The following TCAF1 variants were observed in gnomAD, a reference collection of about 807,000 sequenced individuals.
TCAF1 encodes TRPM8 channel associated factor 1.
Under a neutral mutation model 27.3 loss-of-function variants are expected in TCAF1, and 4 were observed. The ratio of observed to expected loss-of-function variants is 0.15; its 90% CI spans 0.07 to 0.34. The LOEUF is 0.34. TCAF1 is among the 10% of genes least tolerant of loss of function. The pLI is 1.00. For missense variants in TCAF1, 257 were observed against 425.8 expected (o/e 0.60, Z 3.49); for synonymous variants, 105 against 167.1 (o/e 0.63, Z 2.87).
Position 143,876,420 on chromosome 7 carries a change from G to C in TCAF1, c.189C>G (p.Ser63=). The change falls in exon 2 of 9, where the codon TCC becomes TCG. Residue 63 remains serine, a synonymous_variant. Coordinates refer to ENST00000479870, the MANE Select transcript of TCAF1 (RefSeq NM_014719.3). ...GGGCTTCCACCAAGTAGTCCTCATG[G>C]GACACGACCACCAGGCGGCCACGGC... ...SYGRGRLVVV[S]HEDYLVEAQL... 2.5e-6 allele frequency: 4 copies of C among 1,612,616 alleles called. No homozygotes were observed. Among genetic ancestry groups the C allele is most frequent in the Non-Finnish European group, 3.4e-6 (4 of 1,179,390 alleles).
intron 1 of TCAF1, among the ~76,000 whole-genome samples, chr7:143,893,179 A>T (rs1813728771): frequency 6.6e-6 from 1 of 152,200 alleles, no homozygotes; most frequent in Non-Finnish European, 1.5e-5. Context: ...CTGTAGATAT[A>T]AAACAAATTT....
intron 1 of TCAF1, among the ~76,000 whole-genome samples, chr7:143,890,898 G>A (rs1272959793): frequency 6.6e-6 from 1 of 152,194 alleles, no homozygotes; most frequent in African/African-American, 2.4e-5. Flanking sequence ...AGTGGCCAAA[G>A]AGCTAAACAG....
intron 1 of TCAF1, among the ~76,000 whole-genome samples, chr7:143,893,254 C>T (rs539118448): frequency 1.1e-3 from 168 of 152,166 alleles, no homozygotes; most frequent in African/African-American, 3.9e-3. Context: ...TCCTTAATAA[C>T]TTCAAAATTT....
Position 143,852,184 on chromosome 7 carries a change from T to C in TCAF1, c.*1949A>G, listed in dbSNP as rs1335678711. The C allele has an allele frequency of 6.6e-6, 1 of 151,596 alleles. No individual in the cohort carries two copies. The highest frequency in any genetic ancestry group is 1.5e-5 in the Non-Finnish European group (1 of 67,960). The allele number at this position is 151,596 out of a possible 1,614,324, so 9.4% of individuals were successfully genotyped here. On this transcript the variant is annotated 3_prime_UTR_variant, in exon 9 of 9. Coordinates refer to ENST00000479870, the MANE Select transcript of TCAF1 (RefSeq NM_014719.3). Reference sequence around the variant, plus strand: ...ATTTTGCTCTATAATTGGACCTGAATTTTTTGACATATTGTTGATTTGTCT... The same window carrying C: ...ATTTTGCTCTATAATTGGACCTGAACTTTTTGACATATTGTTGATTTGTCT...
At position 143,876,339 on chromosome 7, in the gene TCAF1, A is replaced by G. The variant is rs1812707443; in HGVS notation, c.270T>C (p.Ala90=). The change falls in exon 2 of 9, where the codon GCT becomes GCC. Residue 90 remains alanine, a synonymous_variant. Coordinates refer to ENST00000479870, the MANE Select transcript of TCAF1 (RefSeq NM_014719.3). ...CCAGGGATGGGTGTACACCAATGGG[A>G]GCCCCAGGGGAAGAGCAAAGCCACC... ...AVGWLCSSPG[A]PIGVHPSLAP... The G allele has an allele frequency of 6.2e-7, 1 of 1,614,186 alleles. No homozygotes were observed. The highest frequency in any genetic ancestry group is 8.5e-7 in the Non-Finnish European group (1 of 1,180,034).
intron 1 of TCAF1, among the ~76,000 whole-genome samples, chr7:143,883,481 A>C (rs1013407460): frequency 3.1e-5 from 4 of 127,974 alleles, no homozygotes; most frequent in African/African-American, 1.2e-4. Flanking sequence ...TTCAAATCGC[A>C]TTTCTTTCTT....
rs1383467312 is a variant in TCAF1 at position 143,882,859 on chromosome 7, G to A, written c.-14-6237C>T. Reference sequence around the variant, plus strand: ...GGCGACCGAGCCGGGATTTGGGAGCGGGGAGGAGGCTGGAGCTGGAGGAGA... The same window carrying A: ...GGCGACCGAGCCGGGATTTGGGAGCAGGGAGGAGGCTGGAGCTGGAGGAGA... On this transcript the variant is annotated intron_variant, in intron 1 of 8. Coordinates refer to ENST00000479870, the MANE Select transcript of TCAF1 (RefSeq NM_014719.3). 1.0e-5 allele frequency: 10 copies of A among 985,516 alleles called. No homozygotes were observed. In the East Asian group the frequency reaches 5.7e-4, roughly 56 times the overall value. 61.0% of individuals were successfully genotyped at this position (985,516 alleles called of 1,614,324 possible).
At chr7:143,882,852 T>G in intron 1 of TCAF1, 1 of 985,568 alleles carries the variant, frequency 1.0e-6, no homozygotes, top group Non-Finnish European at 1.2e-6. Flanking sequence ...AGCCGGGATT[T>G]GGGAGCGGGG....
chr7:143,901,081 G>T (rs1355224997), intron 1 of TCAF1, among the ~76,000 whole-genome samples: 1 of 152,170 alleles, frequency 6.6e-6, no homozygotes, highest in Non-Finnish European at 1.5e-5. Context: ...GGCTTCTAAG[G>T]TACTGTGACG....
intron 1 of TCAF1, among the ~76,000 whole-genome samples, chr7:143,897,148 A>C (rs1465957018): frequency 1.1e-5 from 1 of 87,562 alleles, no homozygotes; most frequent in Non-Finnish European, 2.3e-5. Context: ...ATATATATAT[A>C]TATATATATA....
At chr7:143,857,838 TGGCTTTTGGG>T (rs1811616632) in intron 7 of TCAF1, among the ~76,000 whole-genome samples, 1 of 129,300 alleles carries the variant, frequency 7.7e-6, no homozygotes. Context: ...GGTATTAAAA[TGGCTTTTGGG>T]GAAAAAAAGT....
intron 1 of TCAF1, among the ~76,000 whole-genome samples, chr7:143,881,146 G>GC (rs1177940515): frequency 1.3e-5 from 2 of 152,198 alleles, no homozygotes; most frequent in African/African-American, 4.8e-5. Context: ...TGGATGGAGG[G>GC]CCATGCTGGA....
chr7:143,893,129 G>A (rs1813723482), intron 1 of TCAF1, among the ~76,000 whole-genome samples: 1 of 152,156 alleles, frequency 6.6e-6, no homozygotes, highest in East Asian at 1.9e-4. Flanking sequence ...TATGGCTTAT[G>A]TACAATGGGC....
At chr7:143,881,540 T>A (rs1813024868) in intron 1 of TCAF1, among the ~76,000 whole-genome samples, 1 of 152,196 alleles carries the variant, frequency 6.6e-6, no homozygotes, top group South Asian at 2.1e-4. Flanking sequence ...TTAAGATTGT[T>A]TAATTCATAC....
chr7:143,898,229 T>G (rs73725421), intron 1 of TCAF1, among the ~76,000 whole-genome samples: 1 of 152,128 alleles, frequency 6.6e-6, no homozygotes, highest in African/African-American at 2.4e-5. Flanking sequence ...AAAGTAACTA[T>G]AGCAAATGTC....
At chr7:143,893,692 T>C (rs927628871) in intron 1 of TCAF1, among the ~76,000 whole-genome samples, 3 of 151,820 alleles carry the variant, frequency 2.0e-5, no homozygotes, top group Admixed American at 1.3e-4. Flanking sequence ...CAATGGAAAT[T>C]AGAAAATATC....
chr7:143,896,808 T>A (rs1157748755), intron 1 of TCAF1, among the ~76,000 whole-genome samples: 1 of 151,898 alleles, frequency 6.6e-6, no homozygotes, highest in African/African-American at 2.4e-5. Context: ...GTGATAGAAA[T>A]GTATAGCTTT....
intron 1 of TCAF1, among the ~76,000 whole-genome samples, chr7:143,884,257 C>T (rs949152962): frequency 1.3e-5 from 2 of 152,142 alleles, no homozygotes; most frequent in African/African-American, 4.8e-5. Context: ...CCAAGCCATA[C>T]TCCCTTTCCC....
rs755343930 is a variant in TCAF1 at position 143,876,097 on chromosome 7, G to A, written c.512C>T (p.Pro171Leu). Residue 171 changes from proline (P) to leucine (L), a missense_variant, in exon 2 of 9, where the codon CCT (proline) becomes CTT (leucine). This residue lies in a region of TCAF1 where 255 missense variants were observed against 260.1 expected (regional missense o/e 0.98). Transcript: ENST00000479870. ...GEDERVLFTF[P>L]GNLVTSVAGI... ...AGCCACACTGGTCACGAGGTTCCCA[G>A]GGAACGTGAACAGAACCCTTTCATC... 2 of 1,613,864 alleles carry A rather than the reference G, an allele frequency of 1.2e-6. No homozygotes were observed. The highest frequency in any genetic ancestry group is 2.2e-5 in the South Asian group (2 of 91,082).
Sources: gnomAD v4.1 joint callset for allele counts (sites outside exome capture counted in the v4.1 genomes callset) on GRCh38, gnomAD v4.1.1 for gene constraint, gnomAD v4.1.1 regional missense constraint, MANE v1.5 for transcripts, NCBI Gene and HGNC (gene_info 2026-07-23, HGNC 2026-07-21) for gene names.